GPC3: variants seen among roughly 807,000 people sequenced by gnomAD.
The protein encoded by GPC3 is glypican-3.
Under a neutral mutation model 34.4 loss-of-function variants are expected in GPC3, and 3 were observed. The observed-to-expected ratio is 0.09, with a 90% CI of 0.04 to 0.23. The LOEUF (loss-of-function observed/expected upper bound fraction) is 0.23. Among genes scored for constraint, GPC3 ranks in the 10% least tolerant of loss-of-function variants. GPC3 has a pLI of 1.00. For missense variants in GPC3, 351 were observed against 445.6 expected (o/e 0.79, Z 1.91); for synonymous variants, 177 against 174.0 (o/e 1.02, Z -0.13).
chrX:133,955,859 A>AT (rs2076414392), intron 1 of GPC3, among the ~76,000 whole-genome samples: 2 of 112,086 alleles, frequency 1.8e-5, no homozygotes, highest in South Asian at 3.7e-4. Context: ...TGGATGTTTT[A>AT]TTTTTTTAAA....
At chrX:133,827,871 G>A (rs1244111449) in intron 2 of GPC3, among the ~76,000 whole-genome samples, 11 of 103,484 alleles carry the variant, frequency 1.1e-4, no homozygotes, top group African/African-American at 3.6e-4. Context: ...CTTGAACCCG[G>A]GAGGCGGAGG....
chrX:133,752,029 G>GTATT (rs770141214), intron 3 of GPC3, among the ~76,000 whole-genome samples: 76 of 110,333 alleles, frequency 6.9e-4, no homozygotes, highest in African/African-American at 2.4e-3. Flanking sequence ...CTAATTTTTT[G>GTATT]TATTTATTTA....
At chrX:133,710,236 T>C (rs2071254932) in intron 3 of GPC3, among the ~76,000 whole-genome samples, 1 of 112,082 alleles carries the variant, frequency 8.9e-6, no homozygotes. Flanking sequence ...TACAGCATGG[T>C]ATTATCGTGA....
intron 3 of GPC3, chrX:133,704,414 T>C (rs2124441345): frequency 3.1e-6 from 1 of 326,282 alleles, no homozygotes; most frequent in East Asian, 4.4e-5. Context: ...TACAAATATG[T>C]TTAATATAAG....
intron 5 of GPC3, among the ~76,000 whole-genome samples, chrX:133,670,664 T>A (rs1357070653): frequency 2.7e-5 from 3 of 112,124 alleles, no homozygotes; most frequent in African/African-American, 9.7e-5. Context: ...TGGAACGCAT[T>A]CTGGCCACAA....
intron 2 of GPC3, among the ~76,000 whole-genome samples, chrX:133,814,332 G>C (rs1450172707): frequency 5.4e-5 from 6 of 110,730 alleles, no homozygotes; most frequent in African/African-American, 2.0e-4. Context: ...CATACTTTGC[G>C]GGGCTCCTTG....
chrX:133,974,412 T>A (rs1407200765), intron 1 of GPC3, among the ~76,000 whole-genome samples: 1 of 112,448 alleles, frequency 8.9e-6, no homozygotes, highest in Non-Finnish European at 1.9e-5. Flanking sequence ...GAAGTCTGAT[T>A]CTTTGATTCT....
rs965934690 is a variant in GPC3 at position 133,569,041 on chromosome X, C to T, written c.1573+27399G>A. Among the ~76,000 whole-genome samples the T allele has an allele frequency of 2.7e-5, 3 of 110,841 alleles. No homozygotes were observed. In the East Asian group the frequency reaches 8.5e-4, roughly 32 times the overall value. ...CCTTAGCATGGGCGTGGTGGCGATG[C>T]CTGTAGTCCCAGCTACTTGGTGGGG... is the stretch of plus-strand genomic sequence containing the variant. On this transcript the variant is annotated intron_variant, in intron 7 of 7. Coordinates refer to ENST00000370818, the MANE Select transcript of GPC3 (RefSeq NM_004484.4).
chrX:133,930,977 A>C (rs2076296016), intron 2 of GPC3, among the ~76,000 whole-genome samples: 1 of 112,080 alleles, frequency 8.9e-6, no homozygotes, highest in African/African-American at 3.2e-5. Context: ...AGCCATAGAC[A>C]TCTTCCTGGT....
chrX:133,974,459 C>T (rs767192642), intron 1 of GPC3, among the ~76,000 whole-genome samples: 4 of 112,609 alleles, frequency 3.6e-5, no homozygotes, highest in African/African-American at 1.3e-4. Context: ...TGTGTATGCA[C>T]GTGTGCACAT....
At chrX:133,928,031 A>G (rs979586593) in intron 2 of GPC3, among the ~76,000 whole-genome samples, 1 of 109,940 alleles carries the variant, frequency 9.1e-6, no homozygotes, top group Non-Finnish European at 1.9e-5. Context: ...GTCCTCATGT[A>G]TTATATATTA....
chrX:133,930,033 A>G (rs1350300548), intron 2 of GPC3, among the ~76,000 whole-genome samples: 1 of 112,163 alleles, frequency 8.9e-6, no homozygotes, highest in African/African-American at 3.2e-5. Flanking sequence ...CATTCCATGA[A>G]AAAAAGGTTC....
At chrX:133,569,701 A>G (rs750229830) in intron 7 of GPC3, among the ~76,000 whole-genome samples, 1 of 112,107 alleles carries the variant, frequency 8.9e-6, no homozygotes, top group South Asian at 3.7e-4. Context: ...TATCTATTTT[A>G]CAGTTAAATG....
At chrX:133,794,920 G>A (rs1483968464) in intron 2 of GPC3, among the ~76,000 whole-genome samples, 1 of 112,497 alleles carries the variant, frequency 8.9e-6, no homozygotes, top group Non-Finnish European at 1.9e-5. Context: ...ATCAAAATAT[G>A]TTGAAAATAT....
At chrX:133,913,336 G>T (rs2076209742) in intron 2 of GPC3, among the ~76,000 whole-genome samples, 1 of 112,356 alleles carries the variant, frequency 8.9e-6, no homozygotes, top group African/African-American at 3.2e-5. Context: ...GAGAAGAAAG[G>T]GATGAGGAAA....
At chrX:133,559,867 C>T (rs1227323479) in intron 7 of GPC3, among the ~76,000 whole-genome samples, 3 of 111,397 alleles carry the variant, frequency 2.7e-5, no homozygotes, top group South Asian at 3.9e-4. Context: ...ATCATCTACC[C>T]GCCCACCCTT....
At chrX:133,759,549 T>C (rs965804093) in intron 2 of GPC3, among the ~76,000 whole-genome samples, 5 of 112,188 alleles carry the variant, frequency 4.5e-5, no homozygotes, top group African/African-American at 1.6e-4. Flanking sequence ...GCTGAAACAA[T>C]TGGACATCCA....
intron 3 of GPC3, among the ~76,000 whole-genome samples, chrX:133,752,600 A>T (rs948514985): frequency 9.0e-6 from 1 of 111,610 alleles, no homozygotes; most frequent in Non-Finnish European, 1.9e-5. Flanking sequence ...TCTTGGCTAC[A>T]TGTTCTGCTA....
chrX:133,801,964 C>G (rs2124519905), intron 2 of GPC3, among the ~76,000 whole-genome samples: 1 of 111,819 alleles, frequency 8.9e-6, no homozygotes, highest in South Asian at 3.8e-4. Context: ...AACTGAGAAA[C>G]AGAAATGGGC....
Sources: gnomAD v4.1 joint callset for allele counts (sites outside exome capture counted in the v4.1 genomes callset) on GRCh38, gnomAD v4.1.1 for gene constraint, MANE v1.5 for transcripts, NCBI Gene and HGNC (gene_info 2026-07-23, HGNC 2026-07-21) for gene names.